SRCIN1: variants seen among roughly 807,000 people sequenced by gnomAD.
The protein encoded by SRCIN1 is P130Cas-associated protein.
SRCIN1 carries 50 observed loss-of-function variants against 116.2 expected under a neutral mutation model. That is an observed-to-expected ratio of 0.43 (90% CI 0.34 to 0.54). The LOEUF is 0.54. Ranked by LOEUF, SRCIN1 falls within the 20% of genes least tolerant of loss-of-function variation. The pLI is 0.02. For synonymous variants in SRCIN1, 736 were observed against 750.0 expected, an observed-to-expected ratio of 0.98 and a Z score of 0.30; for missense variants, 1,446 against 1,672.0, an observed-to-expected ratio of 0.86 and a Z score of 2.36.
In SRCIN1 at chr17:38,604,789, G is replaced by A. The variant is rs908371942; in HGVS notation, c.22+895C>T. 6.6e-5 allele frequency among the ~76,000 whole-genome samples: 10 copies of A among 152,034 alleles called. No individual in the cohort carries two copies. The highest frequency in any genetic ancestry group is 1.5e-4 in the Non-Finnish European group (10 of 67,944). ...AGCAGGGGGGTGCGTGGGAGGGGAG[G>A]GGGGGCCACGGTGCGTCCCCTTCCC... is the stretch of plus-strand genomic sequence containing the variant. On this transcript the variant is annotated intron_variant, in intron 1 of 18. Coordinates refer to ENST00000617146, the MANE Select transcript of SRCIN1 (RefSeq NM_025248.3). This position sits in a 1 kb window ranked among gnomAD's most constrained non-coding sequence, Gnocchi z 4.3.
chr17:38,560,220 G>T, intron 8 of SRCIN1, 113 bp downstream of exon 8: 1 of 1,400,696 alleles, frequency 7.1e-7, no homozygotes, highest in Non-Finnish European at 9.7e-7. Flanking sequence ...CCAGAGAAGG[G>T]AAGGGATTCA....
At chr17:38,591,947 C>A (rs1043905481) in intron 1 of SRCIN1, among the ~76,000 whole-genome samples, 1 of 152,226 alleles carries the variant, frequency 6.6e-6, no homozygotes, top group Non-Finnish European at 1.5e-5. Flanking sequence ...GGCCTGAGGC[C>A]CAGGATGCCC....
In SRCIN1 at chr17:38,558,339, C is replaced by A. The variant is rs771787909; in HGVS notation, c.2089G>T (p.Val697Leu). 6 of 1,609,544 alleles carry A rather than the reference C, an allele frequency of 3.7e-6. No homozygotes were observed. The highest frequency in any genetic ancestry group is 4.2e-6 in the Non-Finnish European group (5 of 1,179,478). The stretch of plus-strand genomic sequence containing the variant: ...TCCTGCCGCCGCGCCGCCTCCGACA[C>A]GCGCATGCTCAGCTCTGCCTCCGTG... ...KRTEAELSMR[V>L]SEAARRQEDP... Residue 697 changes from valine to leucine, a missense_variant, in exon 11 of 19, where the codon GTG (valine) becomes TTG (leucine). Val to Leu is a conservative substitution (Grantham distance 32, BLOSUM62 1). This residue lies in a region of SRCIN1 where 398 missense variants were observed against 385.6 expected (regional missense o/e 1.03). Transcript: ENST00000617146. This position sits in a 1 kb window ranked among gnomAD's most constrained non-coding sequence, Gnocchi z 4.6.
chr17:38,599,704 C>T (rs1256485885), intron 1 of SRCIN1, among the ~76,000 whole-genome samples: 3 of 152,196 alleles, frequency 2.0e-5, no homozygotes, highest in Non-Finnish European at 4.4e-5. Context: ...AGGTTTCCAG[C>T]CTCCACACCC....
At chr17:38,573,198 C>T (rs1358986366) in intron 2 of SRCIN1, among the ~76,000 whole-genome samples, 1 of 152,214 alleles carries the variant, frequency 6.6e-6, no homozygotes, top group African/African-American at 2.4e-5. Context: ...AGTGTTCTGC[C>T]TCCTGCTCAA....
At position 38,562,540 on chromosome 17, in the gene SRCIN1, C is replaced by T. The variant is rs997643855; in HGVS notation, c.835-212G>A. ...GATGAAGAGGCACCAGAGGGGTAAC[C>T]CTCAGCTCAGCTACCGTGAGGGGTG... On this transcript the variant is annotated intron_variant, in intron 6 of 18. Transcript: ENST00000617146. The surrounding 1 kb of genome is among the most constrained non-coding windows in gnomAD (Gnocchi z 4.2). 2.0e-5 allele frequency among the ~76,000 whole-genome samples: 3 copies of T among 152,238 alleles called. No individual in the cohort carries two copies. Among genetic ancestry groups the T allele is most frequent in the South Asian group, 4.1e-4 (2 of 4,832 alleles).
chr17:38,594,224 G>A (rs938782660), intron 1 of SRCIN1, among the ~76,000 whole-genome samples: 18 of 152,198 alleles, frequency 1.2e-4, no homozygotes, highest in Non-Finnish European at 2.4e-4. Flanking sequence ...GTCTCTCCGC[G>A]TTCTCCTGGC....
chr17:38,558,222 C>A lies in SRCIN1; in HGVS notation c.2201+5G>T. 1 of 1,609,774 alleles carries A rather than the reference C, an allele frequency of 6.2e-7. No individual in the cohort carries two copies. The highest frequency in any genetic ancestry group is 8.5e-7 in the Non-Finnish European group (1 of 1,177,074). ...CCCCTCCCTCCGCCGCGGGCCCAGC[C>A]TCACTTGAGCTGCTGGGTAATAAGC... On this transcript the variant is annotated splice_donor_5th_base_variant and intron_variant, in intron 11 of 18. Coordinates refer to ENST00000617146, the MANE Select transcript of SRCIN1 (RefSeq NM_025248.3). The surrounding 1 kb of genome is among the most constrained non-coding windows in gnomAD (Gnocchi z 4.6).
At chr17:38,537,417 T>C (rs964618577) in intron 18 of SRCIN1, among the ~76,000 whole-genome samples, 5 of 151,434 alleles carry the variant, frequency 3.3e-5, no homozygotes, top group African/African-American at 1.2e-4. Flanking sequence ...GGAGGATGGA[T>C]TGAGCTTGGA....
chr17:38,592,101 AGGAGAG>A (rs1016848266), intron 1 of SRCIN1, among the ~76,000 whole-genome samples: 2 of 151,946 alleles, frequency 1.3e-5, no homozygotes, highest in African/African-American at 4.8e-5. Context: ...CAGGCTTGGA[AGGAGAG>A]GCTCCCCCAC....
Position 38,562,143 on chromosome 17 carries a change from G to A in SRCIN1, c.1020C>T (p.Tyr340=), listed in dbSNP as rs1480907146. 4 of 1,368,216 alleles carry A rather than the reference G, an allele frequency of 2.9e-6. No individual in the cohort carries two copies. The highest frequency in any genetic ancestry group is 1.7e-5 in the South Asian group (1 of 58,576). The allele number at this position is 1,368,216 out of a possible 1,614,324, so 84.8% of individuals were successfully genotyped here. Reference sequence around the variant, plus strand: ...CCGCGTGGTGCACCGGGCTGCCGGCGTACGAAGGCGGGCGCCCCCCGGCGT... The same window carrying A: ...CCGCGTGGTGCACCGGGCTGCCGGCATACGAAGGCGGGCGCCCCCCGGCGT... ...LSYAGGRPPS[Y]AGSPVHHAAE... The change falls in exon 7 of 19, where the codon TAC becomes TAT. Residue 340 remains tyrosine, a synonymous_variant. Transcript: ENST00000617146. This position sits in a 1 kb window ranked among gnomAD's most constrained non-coding sequence, Gnocchi z 4.2.
At chr17:38,560,165 C>G in intron 8 of SRCIN1, 68 bp from the exon 9 acceptor site, 12 of 1,444,588 alleles carry the variant, frequency 8.3e-6, no homozygotes, top group Non-Finnish European at 1.1e-5. Context: ...CTGGGTGGAA[C>G]CTTGGATGTC....
chr17:38,569,370 G>C (rs78644079), intron 2 of SRCIN1, among the ~76,000 whole-genome samples: 1 of 152,130 alleles, frequency 6.6e-6, no homozygotes, highest in South Asian at 2.1e-4. Flanking sequence ...TGCCTGGCAC[G>C]AGCAGACAAG....
At chr17:38,543,990 T>G in intron 17 of SRCIN1, 21 bp from the exon 18 acceptor site, 1 of 1,562,702 alleles carries the variant, frequency 6.4e-7, no homozygotes, top group Non-Finnish European at 8.6e-7. Flanking sequence ...AGGAACAGGG[T>G]TGCAGTTGCA....
chr17:38,573,464 G>A (rs941065552), intron 2 of SRCIN1, among the ~76,000 whole-genome samples: 1 of 152,190 alleles, frequency 6.6e-6, no homozygotes, highest in Non-Finnish European at 1.5e-5. Context: ...AAGATCCTAT[G>A]CACAGACACT....
Position 38,562,168 on chromosome 17 carries a change from T to A in SRCIN1, c.995A>T (p.Tyr332Phe). ...GTACGAAGGCGGGCGCCCCCCGGCG[T>A]ACGATAGGCGCGAACGCGACGGCGA... Reference protein sequence around the residue: ...SGSPSRSRLSYAGGRPPSYAG... With the variant: ...SGSPSRSRLSFAGGRPPSYAG... Residue 332 changes from tyrosine to phenylalanine, a missense_variant, in exon 7 of 19, where the codon TAC (tyrosine) becomes TTC (phenylalanine). Coordinates refer to ENST00000617146, the MANE Select transcript of SRCIN1 (RefSeq NM_025248.3). The surrounding 1 kb of genome is among the most constrained non-coding windows in gnomAD (Gnocchi z 4.2). 1 of 1,373,196 alleles carries A rather than the reference T, an allele frequency of 7.3e-7. No individual in the cohort carries two copies. Among genetic ancestry groups the A allele is most frequent in the South Asian group, 1.7e-5 (1 of 59,330 alleles). 85.1% of individuals were successfully genotyped at this position (1,373,196 alleles called of 1,614,324 possible).
intron 2 of SRCIN1, among the ~76,000 whole-genome samples, chr17:38,569,683 A>C (rs929120753): frequency 3.9e-5 from 6 of 152,108 alleles, no homozygotes; most frequent in African/African-American, 7.2e-5. Context: ...AAACAACAAC[A>C]ACCAAAAAAA....
intron 18 of SRCIN1, among the ~76,000 whole-genome samples, 172 bp from the exon 19 acceptor site, chr17:38,533,603 T>G (rs1007504575): frequency 0.012 from 50 of 4,282 alleles, no homozygotes; most frequent in East Asian, 0.019. Flanking sequence ...GGTGGAGGGG[T>G]GGGGGCAGAA....
chr17:38,533,182 A>C lies in SRCIN1; in HGVS notation c.*115T>G. ...AGGGCCGCACCCTCCTCTTCAGGGC[A>C]CACCCCTCAGGGCGTCTGGAGAGTA... On this transcript the variant is annotated 3_prime_UTR_variant, in exon 19 of 19. Transcript: ENST00000617146. 7.6e-7 allele frequency: 1 copy of C among 1,318,418 alleles called. No homozygotes were observed. The highest frequency in any genetic ancestry group is 9.9e-7 in the Non-Finnish European group (1 of 1,013,112). The allele number at this position is 1,318,418 out of a possible 1,614,324, so 81.7% of individuals were successfully genotyped here. A position where few individuals can be genotyped will look rare whatever the true frequency, so the allele number is the denominator to read the frequency against.
Sources: gnomAD v4.1 joint callset for allele counts (sites outside exome capture counted in the v4.1 genomes callset) on GRCh38, gnomAD v4.1.1 for gene constraint, gnomAD v4.1.1 regional missense constraint, Gnocchi (gnomAD v3.1) non-coding constraint, MANE v1.5 for transcripts, NCBI Gene and HGNC (gene_info 2026-07-23, HGNC 2026-07-21) for gene names.